The following RASGRF2 variants were observed in gnomAD, a reference collection of about 807,000 sequenced individuals.
RASGRF2 encodes Ras protein specific guanine nucleotide releasing factor 2, also known as ras-specific guanine nucleotide-releasing factor 2.
A neutral mutation model predicts 151.0 loss-of-function variants in RASGRF2; 76 were observed. The ratio of observed to expected loss-of-function variants is 0.50; its 90% CI spans 0.42 to 0.61. RASGRF2 has a LOEUF of 0.61. Ranked by LOEUF, RASGRF2 falls within the 20% of genes least tolerant of loss-of-function variation. RASGRF2 has a pLI of 0.00. For missense variants in RASGRF2, 1,148 were observed against 1,564.6 expected (o/e 0.73, Z 4.49); for synonymous variants, 504 against 566.5 (o/e 0.89, Z 1.57).
At chr5:81,094,767 G>A in intron 11 of RASGRF2, 89 bp from the exon 12 acceptor site, 9 of 1,389,596 alleles carry the variant, frequency 6.5e-6, no homozygotes, top group Non-Finnish European at 9.0e-6. Context: ...GAGTGCAAAT[G>A]GATTGTATAA....
intron 13 of RASGRF2, among the ~76,000 whole-genome samples, chr5:81,111,892 A>G (rs1753005533): frequency 6.6e-6 from 1 of 152,214 alleles, no homozygotes; most frequent in African/African-American, 2.4e-5. Context: ...CGGATATAGC[A>G]GTGATATCTG....
chr5:81,173,836 C>T (rs988744230), intron 17 of RASGRF2, among the ~76,000 whole-genome samples: 2 of 152,130 alleles, frequency 1.3e-5, no homozygotes, highest in African/African-American at 4.8e-5. Flanking sequence ...GTTTGAAGCC[C>T]ATCTCCTCCT....
chr5:81,080,534 G>A, intron 6 of RASGRF2, 62 bp from the exon 7 acceptor site: 1 of 1,500,606 alleles, frequency 6.7e-7, no homozygotes, highest in Non-Finnish European at 9.2e-7. Context: ...TGCCATTCCT[G>A]CCCAGTGTAG....
intron 17 of RASGRF2, among the ~76,000 whole-genome samples, chr5:81,168,049 TACAAATGGTCAAG>T (rs1323892882): frequency 6.6e-6 from 1 of 152,098 alleles, no homozygotes; most frequent in African/African-American, 2.4e-5. Context: ...CAAAAGCAGA[TACAAATGGTCAAG>T]GATGACCTCT....
intron 9 of RASGRF2, among the ~76,000 whole-genome samples, chr5:81,091,730 T>C (rs1048301468): frequency 6.6e-6 from 1 of 152,134 alleles, no homozygotes; most frequent in African/African-American, 2.4e-5. Context: ...CTTATTGAAG[T>C]AGTTTGTGCT....
At chr5:81,055,877 G>A (rs1751189450) in intron 2 of RASGRF2, among the ~76,000 whole-genome samples, 1 of 152,110 alleles carries the variant, frequency 6.6e-6, no homozygotes, top group East Asian at 1.9e-4. Context: ...ATGTGTCCAG[G>A]AATTTATCCA....
At chr5:81,128,675 T>G (rs1753536471) in intron 17 of RASGRF2, among the ~76,000 whole-genome samples, 1 of 152,234 alleles carries the variant, frequency 6.6e-6, no homozygotes, top group Non-Finnish European at 1.5e-5. Context: ...TGACTCATAA[T>G]TCATTTCCAG....
chr5:81,116,561 CCTT>C (rs144528654), intron 15 of RASGRF2, among the ~76,000 whole-genome samples: 3,790 of 152,208 alleles, frequency 0.025, 182 homozygotes, highest in African/African-American at 0.084. Flanking sequence ...TTCTTCTCCT[CCTT>C]CTTCTTCTTA....
At chr5:81,207,403 G>T in intron 21 of RASGRF2, 54 bp downstream of exon 21, 2 of 1,462,952 alleles carry the variant, frequency 1.4e-6, no homozygotes, top group Non-Finnish European at 1.9e-6. Context: ...TGTCTTAGAA[G>T]TTGACATTAT....
At chr5:81,156,517 T>C (rs1276848005) in intron 17 of RASGRF2, among the ~76,000 whole-genome samples, 1 of 152,206 alleles carries the variant, frequency 6.6e-6, no homozygotes, top group Non-Finnish European at 1.5e-5. Flanking sequence ...AAATAGGATT[T>C]TTCCTAGAAA....
At chr5:81,217,571 C>CTTGT in intron 25 of RASGRF2, 98 bp downstream of exon 25, 1 of 360,650 alleles carries the variant, frequency 2.8e-6, no homozygotes, top group Non-Finnish European at 4.0e-6. Flanking sequence ...TTTTTTTTCT[C>CTTGT]TTCTTTTTTT....
chr5:81,099,622 T>C (rs1752641088), intron 12 of RASGRF2, among the ~76,000 whole-genome samples: 1 of 152,222 alleles, frequency 6.6e-6, no homozygotes, highest in Non-Finnish European at 1.5e-5. Flanking sequence ...AAGGTATCTA[T>C]GTAACTCTCT....
chr5:81,182,589 A>G (rs1162466851), intron 18 of RASGRF2, among the ~76,000 whole-genome samples: 3 of 152,018 alleles, frequency 2.0e-5, no homozygotes, highest in South Asian at 2.1e-4. Flanking sequence ...GGCCTCCACA[A>G]TGGGTGGTTT....
At chr5:80,999,947 G>T (rs1250436004) in intron 1 of RASGRF2, among the ~76,000 whole-genome samples, 1 of 152,162 alleles carries the variant, frequency 6.6e-6, no homozygotes, top group Non-Finnish European at 1.5e-5. Flanking sequence ...AGATTCTGTG[G>T]GTTAGGAATT....
intron 12 of RASGRF2, chr5:81,095,942 T>A (rs1356644551): frequency 6.6e-6 from 1 of 152,190 alleles, no homozygotes; most frequent in Non-Finnish European, 1.5e-5. Flanking sequence ...ACTCTTACAA[T>A]AGTATTCTGA....
intron 23 of RASGRF2, among the ~76,000 whole-genome samples, chr5:81,214,171 A>AC (rs1213188247): frequency 6.6e-6 from 1 of 152,234 alleles, no homozygotes; most frequent in Non-Finnish European, 1.5e-5. Flanking sequence ...GAATAACCGA[A>AC]CTGATCATGA....
At chr5:81,070,903 C>G (rs760906600) in intron 4 of RASGRF2, among the ~76,000 whole-genome samples, 24 of 152,070 alleles carry the variant, frequency 1.6e-4, no homozygotes, top group Non-Finnish European at 2.9e-4. Context: ...AATTACATTT[C>G]AAAAATATTT....
At chr5:81,072,107 G>A (rs533830524) in intron 4 of RASGRF2, among the ~76,000 whole-genome samples, 66 of 152,152 alleles carry the variant, frequency 4.3e-4, no homozygotes, top group Non-Finnish European at 8.7e-4. Context: ...GGAAAAAAGT[G>A]TTAACAATGA....
intron 1 of RASGRF2, among the ~76,000 whole-genome samples, chr5:80,994,456 C>T (rs1488487509): frequency 4.0e-5 from 6 of 151,598 alleles, no homozygotes; most frequent in Non-Finnish European, 5.9e-5. Flanking sequence ...GAGCTGATGG[C>T]TTTGTCAGAT....
Sources: gnomAD v4.1 joint callset for allele counts (sites outside exome capture counted in the v4.1 genomes callset) on GRCh38, gnomAD v4.1.1 for gene constraint, MANE v1.5 for transcripts, NCBI Gene and HGNC (gene_info 2026-07-23, HGNC 2026-07-21) for gene names.